SEMA6A: variants seen among roughly 807,000 people sequenced by gnomAD.
SEMA6A encodes the protein semaphorin-6A.
SEMA6A carries 25 observed loss-of-function variants against 96.8 expected under a neutral mutation model. That is an observed-to-expected ratio of 0.26 (90% CI 0.19 to 0.36). The LOEUF (loss-of-function observed/expected upper bound fraction) is 0.36. SEMA6A is among the 10% of genes least tolerant of loss of function. The pLI is 1.00. For synonymous variants in SEMA6A, 612 were observed against 518.0 expected, an observed-to-expected ratio of 1.18 and a Z score of -2.46; for missense variants, 1,363 against 1,323.1, an observed-to-expected ratio of 1.03 and a Z score of -0.47.
chr5:116,459,368 A>G (rs191066218), intron 18 of SEMA6A, among the ~76,000 whole-genome samples: 11 of 151,890 alleles, frequency 7.2e-5, no homozygotes, highest in African/African-American at 1.7e-4. Flanking sequence ...CAATCTTGCT[A>G]TCTTTGTCTT....
chr5:116,494,542 C>T (rs1249563321), intron 6 of SEMA6A, among the ~76,000 whole-genome samples: 1 of 152,162 alleles, frequency 6.6e-6, no homozygotes, highest in East Asian at 1.9e-4. Context: ...CTTTCCCAGA[C>T]TCCTCACCTC....
At chr5:116,521,942 T>G (rs6879748) in intron 1 of SEMA6A, among the ~76,000 whole-genome samples, 3,836 of 152,334 alleles carry the variant, frequency 0.025, 157 homozygotes, top group African/African-American at 0.088. Context: ...TAGGCAACAT[T>G]GTGCACATTG....
At chr5:116,472,653 C>T (rs1276521447) in intron 17 of SEMA6A, 1 of 465,102 alleles carries the variant, frequency 2.2e-6, no homozygotes, top group African/African-American at 2.0e-5. Context: ...CTAAGGTTGG[C>T]ATATTTCATG....
chr5:116,467,620 C>G lies in SEMA6A; in HGVS notation c.1857G>C (p.Leu619Phe). The change falls in exon 18 of 19, where the codon TTG (leucine) becomes TTC (phenylalanine). Residue 619 changes from leucine to phenylalanine, a missense_variant. Coordinates refer to ENST00000343348, the MANE Select transcript of SEMA6A (RefSeq NM_020796.5). ...LLDSPDSTDP[L>F]GAVSSHNHQD... is the part of the protein sequence containing the mutation. The stretch of plus-strand genomic sequence containing the variant: ...GGTGATTATGGGAAGACACTGCCCC[C>G]AAAGGGTCTGTGCTGTCAGGTGAGT... 1 of 1,613,514 alleles carries G rather than the reference C, an allele frequency of 6.2e-7. No individual in the cohort carries two copies. Among genetic ancestry groups the G allele is most frequent in the Non-Finnish European group, 8.5e-7 (1 of 1,179,748 alleles).
At chr5:116,471,523 T>C (rs1756144158) in intron 17 of SEMA6A, 1 of 152,124 alleles carries the variant, frequency 6.6e-6, no homozygotes, top group Non-Finnish European at 1.5e-5. Flanking sequence ...AGATGCTAAG[T>C]GCGGTTTTTT....
chr5:116,563,859 G>T (rs919697420), intron 1 of SEMA6A, among the ~76,000 whole-genome samples: 1 of 152,148 alleles, frequency 6.6e-6, no homozygotes, highest in African/African-American at 2.4e-5. Context: ...ATAATCAGGG[G>T]TCCATAATAC....
chr5:116,550,432 C>T (rs1760359019), intron 1 of SEMA6A: 1 of 152,190 alleles, frequency 6.6e-6, no homozygotes, highest in Non-Finnish European at 1.5e-5. Flanking sequence ...TTAACAATAT[C>T]TAATGATACA....
At chr5:116,473,299 T>G (rs1435656586) in intron 16 of SEMA6A, among the ~76,000 whole-genome samples, 2 of 152,236 alleles carry the variant, frequency 1.3e-5, no homozygotes, top group African/African-American at 2.4e-5. Context: ...CCAAGTGAAT[T>G]TCCTCCAAGT....
At chr5:116,527,477 A>T (rs1292710168) in intron 1 of SEMA6A, among the ~76,000 whole-genome samples, 5 of 152,194 alleles carry the variant, frequency 3.3e-5, no homozygotes, top group Non-Finnish European at 7.4e-5. Context: ...TCACATAAGC[A>T]CTTTCAAAAC....
intron 1 of SEMA6A, among the ~76,000 whole-genome samples, chr5:116,549,041 C>T (rs192093378): frequency 8.3e-4 from 127 of 152,154 alleles, no homozygotes; most frequent in Middle Eastern, 3.4e-3. Context: ...GATGAATCAA[C>T]GAAAAATACA....
chr5:116,481,184 T>A (rs1756744993), intron 11 of SEMA6A, among the ~76,000 whole-genome samples: 1 of 152,196 alleles, frequency 6.6e-6, no homozygotes, highest in Non-Finnish European at 1.5e-5. Flanking sequence ...CTGCCATTAG[T>A]AGAAAATCAC....
chr5:116,557,823 T>G (rs917470057), intron 1 of SEMA6A, among the ~76,000 whole-genome samples: 2 of 152,186 alleles, frequency 1.3e-5, no homozygotes, highest in Non-Finnish European at 2.9e-5. Context: ...TTGTCACCTT[T>G]CCGGGGATCT....
chr5:116,544,811 C>T (rs1001150331), intron 1 of SEMA6A, among the ~76,000 whole-genome samples: 6 of 152,230 alleles, frequency 3.9e-5, no homozygotes, highest in African/African-American at 4.8e-5. Flanking sequence ...TTACATACCA[C>T]TGTTAAATAT....
intron 16 of SEMA6A, among the ~76,000 whole-genome samples, chr5:116,473,816 AGAG>A (rs1347673800): frequency 1.3e-5 from 2 of 152,162 alleles, no homozygotes; most frequent in Non-Finnish European, 2.9e-5. Flanking sequence ...GAACACGGGG[AGAG>A]GAGAAGCCAT....
intron 1 of SEMA6A, among the ~76,000 whole-genome samples, chr5:116,546,963 A>G (rs1760214910): frequency 6.6e-6 from 1 of 152,228 alleles, no homozygotes; most frequent in Non-Finnish European, 1.5e-5. Flanking sequence ...CTCATGAAAA[A>G]CAAAAAGGAA....
intron 18 of SEMA6A, among the ~76,000 whole-genome samples, chr5:116,462,893 T>C (rs1755501708): frequency 6.6e-6 from 1 of 152,216 alleles, no homozygotes; most frequent in Non-Finnish European, 1.5e-5. Flanking sequence ...TTACTTAGTA[T>C]TTTTATATCC....
rs186499306 is a variant in SEMA6A at position 116,454,198 on chromosome 5, G to A, written c.1895-6387C>T. ...GTGTCCTTTAGAGAAATATGCAAAG[G>A]CAAAAAGGAGGATGGACATTTCCTC... On this transcript the variant is annotated intron_variant, in intron 18 of 18. Transcript: ENST00000343348. 1.7e-3 allele frequency among the ~76,000 whole-genome samples: 262 copies of A among 152,140 alleles called. 2 individuals are homozygous for A. Among genetic ancestry groups the A allele is most frequent in the African/African-American group, 5.5e-3 (227 of 41,518 alleles).
At chr5:116,509,164 C>A (rs1758284347) in intron 1 of SEMA6A, among the ~76,000 whole-genome samples, 1 of 152,188 alleles carries the variant, frequency 6.6e-6, no homozygotes, top group Non-Finnish European at 1.5e-5. Flanking sequence ...ATGGCAGCAT[C>A]TTCCAGAATG....
At chr5:116,454,825 C>T (rs554441273) in intron 18 of SEMA6A, among the ~76,000 whole-genome samples, 9 of 150,764 alleles carry the variant, frequency 6.0e-5, no homozygotes, top group African/African-American at 1.5e-4. Context: ...TGTGTGTGCG[C>T]GTGTGTGTGT....
Sources: gnomAD v4.1 joint callset for allele counts (sites outside exome capture counted in the v4.1 genomes callset) on GRCh38, gnomAD v4.1.1 for gene constraint, MANE v1.5 for transcripts, NCBI Gene and HGNC (gene_info 2026-07-23, HGNC 2026-07-21) for gene names.